The following ERBB4 variants were observed in gnomAD, a reference collection of about 807,000 sequenced individuals.
ERBB4 encodes the protein erb-b2 receptor tyrosine kinase 4.
Under a neutral mutation model 158.0 loss-of-function variants are expected in ERBB4, and 42 were observed. The ratio of observed to expected loss-of-function variants is 0.27; its 90% CI spans 0.21 to 0.34. The LOEUF (loss-of-function observed/expected upper bound fraction) is 0.34. Among genes scored for constraint, ERBB4 ranks in the 10% least tolerant of loss-of-function variants. ERBB4 has a pLI of 1.00. For missense variants in ERBB4, 1,333 were observed against 1,624.1 expected (o/e 0.82, Z 3.08); for synonymous variants, 583 against 558.7 (o/e 1.04, Z -0.61).
chr2:212,439,677 G>C (rs1356682054), intron 1 of ERBB4, among the ~76,000 whole-genome samples: 1 of 152,088 alleles, frequency 6.6e-6, no homozygotes, highest in East Asian at 1.9e-4. Flanking sequence ...CAAAGTTTCT[G>C]GTGGGGTTAG....
intron 19 of ERBB4, among the ~76,000 whole-genome samples, chr2:211,576,870 A>G (rs1038200064): frequency 2.6e-5 from 4 of 152,160 alleles, no homozygotes; most frequent in African/African-American, 9.7e-5. Context: ...TATGGTATTT[A>G]TGTGTGGGAA....
intron 19 of ERBB4, among the ~76,000 whole-genome samples, chr2:211,574,640 G>A (rs1281714552): frequency 6.6e-6 from 1 of 152,274 alleles, no homozygotes; most frequent in Admixed American, 6.5e-5. Context: ...AGAGGATACT[G>A]TAATGTGCTA....
intron 1 of ERBB4, among the ~76,000 whole-genome samples, chr2:212,403,466 T>A (rs1313527993): frequency 6.6e-6 from 1 of 152,060 alleles, no homozygotes; most frequent in Non-Finnish European, 1.5e-5. Context: ...GTAGCACTAT[T>A]TACAATATCC....
intron 1 of ERBB4, among the ~76,000 whole-genome samples, chr2:212,428,030 A>C (rs1169291575): frequency 1.3e-5 from 2 of 152,132 alleles, no homozygotes; most frequent in Admixed American, 6.6e-5. Flanking sequence ...GAAGGTGTAC[A>C]TAGTAGAAAG....
At chr2:211,610,940 T>C (rs1481251864) in intron 19 of ERBB4, among the ~76,000 whole-genome samples, 2 of 152,106 alleles carry the variant, frequency 1.3e-5, no homozygotes, top group Admixed American at 6.5e-5. Flanking sequence ...GGATAGTCTC[T>C]TTTAGGTACT....
chr2:211,393,263 T>C (rs2125334150), intron 25 of ERBB4, among the ~76,000 whole-genome samples: 1 of 152,288 alleles, frequency 6.6e-6, no homozygotes, highest in Non-Finnish European at 1.5e-5. Context: ...ACCTACCCTA[T>C]ACCATGGACT....
intron 1 of ERBB4, among the ~76,000 whole-genome samples, chr2:212,222,530 T>G (rs1040825979): frequency 1.3e-5 from 2 of 151,516 alleles, no homozygotes; most frequent in South Asian, 4.1e-4. Flanking sequence ...CTTAACCTAC[T>G]TAACTTTTTT....
intron 19 of ERBB4, among the ~76,000 whole-genome samples, chr2:211,604,050 AT>A (rs536577869): frequency 1.9e-4 from 29 of 152,306 alleles, no homozygotes; most frequent in African/African-American, 5.8e-4. Context: ...AGTTTATATC[AT>A]TTTATGTTTT....
At chr2:212,099,638 C>T (rs1312900206) in intron 2 of ERBB4, among the ~76,000 whole-genome samples, 1 of 152,120 alleles carries the variant, frequency 6.6e-6, no homozygotes, top group Non-Finnish European at 1.5e-5. Flanking sequence ...TTTCCTACAA[C>T]CTCTACCTTA....
At chr2:212,307,329 G>A (rs2086847151) in intron 1 of ERBB4, among the ~76,000 whole-genome samples, 1 of 149,842 alleles carries the variant, frequency 6.7e-6, no homozygotes, top group South Asian at 2.1e-4. Flanking sequence ...ACAAATATTA[G>A]TTCTTGGATC....
intron 3 of ERBB4, among the ~76,000 whole-genome samples, chr2:211,827,074 T>C (rs2077117057): frequency 6.6e-6 from 1 of 151,970 alleles, no homozygotes; most frequent in Non-Finnish European, 1.5e-5. Flanking sequence ...AAATTTATTA[T>C]GGAAACACAA....
chr2:211,855,525 C>A (rs1559578985), intron 3 of ERBB4, among the ~76,000 whole-genome samples: 2 of 152,264 alleles, frequency 1.3e-5, no homozygotes, highest in East Asian at 3.9e-4. Flanking sequence ...TGAATCAAGA[C>A]AATTTCTACA....
At chr2:212,406,149 C>A (rs975275240) in intron 1 of ERBB4, among the ~76,000 whole-genome samples, 4 of 152,044 alleles carry the variant, frequency 2.6e-5, no homozygotes, top group Non-Finnish European at 4.4e-5. Context: ...CATAGTATGG[C>A]CAATTTTATA....
chr2:211,682,788 C>T (rs1387142904), intron 12 of ERBB4, among the ~76,000 whole-genome samples: 4 of 152,094 alleles, frequency 2.6e-5, no homozygotes, highest in Non-Finnish European at 5.9e-5. Flanking sequence ...GTCTTGTAAG[C>T]AGCAATCATT....
intron 19 of ERBB4, 72 bp from the exon 20 acceptor site, chr2:211,562,160 T>G (rs1353827108): frequency 1.5e-6 from 2 of 1,290,410 alleles, no homozygotes; most frequent in African/African-American, 2.9e-5. Flanking sequence ...TGGATTGTAC[T>G]AATGGTGCTG....
chr2:211,611,056 T>A (rs2069175005), intron 19 of ERBB4, among the ~76,000 whole-genome samples: 1 of 152,064 alleles, frequency 6.6e-6, no homozygotes, highest in Admixed American at 6.6e-5. Context: ...CACTACTAAA[T>A]TCTGTTAACT....
At chr2:211,663,741 T>G (rs2071517064) in intron 15 of ERBB4, among the ~76,000 whole-genome samples, 1 of 152,216 alleles carries the variant, frequency 6.6e-6, no homozygotes, top group Admixed American at 6.5e-5. Flanking sequence ...GGTCTCATTT[T>G]GAATGGCAAC....
At chr2:212,538,366 G>A (rs1693226001) in intron 1 of ERBB4, 83 bp downstream of exon 1, 1 of 1,212,206 alleles carries the variant, frequency 8.2e-7, no homozygotes. Flanking sequence ...CTCCCGGGAT[G>A]GGTGAAGAGG....
intron 1 of ERBB4, among the ~76,000 whole-genome samples, chr2:212,531,966 A>C (rs970117090): frequency 6.6e-6 from 1 of 152,234 alleles, no homozygotes; most frequent in Non-Finnish European, 1.5e-5. Context: ...AAAGATGATC[A>C]TGAGGATCCC....
Sources: allele counts gnomAD v4.1 joint callset (sites outside exome capture counted in the v4.1 genomes callset), GRCh38; gene constraint gnomAD v4.1.1; transcripts MANE v1.5; gene names NCBI Gene and HGNC (gene_info 2026-07-23, HGNC 2026-07-21).